TBC1D5: variants seen among roughly 807,000 people sequenced by gnomAD.
TBC1D5 encodes TBC1 domain family, member 5.
TBC1D5 carries 75 observed loss-of-function variants against 100.3 expected under a neutral mutation model. The ratio of observed to expected loss-of-function variants is 0.75; its 90% CI spans 0.62 to 0.91. The LOEUF (loss-of-function observed/expected upper bound fraction) is 0.91, where lower values mean the gene tolerates loss of function less well. Ranked by LOEUF, TBC1D5 falls within the 40% of genes least tolerant of loss-of-function variation. TBC1D5 has a pLI of 0.00. For synonymous variants in TBC1D5, 323 were observed against 325.6 expected (o/e 0.99, Z 0.09); for missense variants, 910 against 942.4 (o/e 0.97, Z 0.45).
At chr3:17,652,157 T>C (rs916679274) in intron 1 of TBC1D5, among the ~76,000 whole-genome samples, 1 of 152,102 alleles carries the variant, frequency 6.6e-6, no homozygotes, top group African/African-American at 2.4e-5. Context: ...TAAGGAAAAA[T>C]AAATTTAAGA....
intron 19 of TBC1D5, among the ~76,000 whole-genome samples, chr3:17,179,726 T>A (rs1266001261): frequency 6.6e-6 from 1 of 152,210 alleles, no homozygotes; most frequent in Non-Finnish European, 1.5e-5. Context: ...GCTACAGTAC[T>A]CTCAACAGAA....
chr3:17,396,905 G>A (rs549232069), intron 8 of TBC1D5, among the ~76,000 whole-genome samples: 1 of 152,122 alleles, frequency 6.6e-6, no homozygotes, highest in South Asian at 2.1e-4. Flanking sequence ...TAATATTTGT[G>A]CTGCTGGGGC....
chr3:17,170,265 G>T (rs2067040613), intron 19 of TBC1D5, among the ~76,000 whole-genome samples: 1 of 152,212 alleles, frequency 6.6e-6, no homozygotes, highest in African/African-American at 2.4e-5. Flanking sequence ...GTGGGCTCAG[G>T]TTTCCCAGCT....
chr3:17,488,826 G>T (rs138359267), intron 3 of TBC1D5, among the ~76,000 whole-genome samples: 1 of 151,822 alleles, frequency 6.6e-6, no homozygotes, highest in Non-Finnish European at 1.5e-5. Context: ...GTGAGTGGTG[G>T]GCGAGCATGC....
At chr3:17,181,075 G>C (rs942387605) in intron 19 of TBC1D5, among the ~76,000 whole-genome samples, 1 of 152,162 alleles carries the variant, frequency 6.6e-6, no homozygotes, top group Non-Finnish European at 1.5e-5. Context: ...TCAGTAGCCT[G>C]TACCCCAGTG....
At chr3:17,338,390 T>A (rs2088281243) in intron 13 of TBC1D5, 1 of 152,306 alleles carries the variant, frequency 6.6e-6, no homozygotes, top group Non-Finnish European at 1.5e-5. Context: ...AGAAGCTGTT[T>A]AACAACGGAC....
intron 1 of TBC1D5, among the ~76,000 whole-genome samples, chr3:17,708,804 A>C (rs995844684): frequency 1.1e-3 from 163 of 152,318 alleles, no homozygotes; most frequent in African/African-American, 3.4e-3. Context: ...ACCAGCATAT[A>C]ATACCTCTGG....
At chr3:17,623,106 C>A (rs957996114) in intron 2 of TBC1D5, among the ~76,000 whole-genome samples, 1 of 152,136 alleles carries the variant, frequency 6.6e-6, no homozygotes, top group African/African-American at 2.4e-5. Context: ...AATTAAAACA[C>A]ACATACACAC....
intron 2 of TBC1D5, among the ~76,000 whole-genome samples, chr3:17,532,520 T>C (rs2096240658): frequency 6.6e-6 from 1 of 152,152 alleles, no homozygotes; most frequent in Non-Finnish European, 1.5e-5. Flanking sequence ...CATGCTGCTA[T>C]AAAGACACAT....
At chr3:17,729,433 C>T (rs986077971) in intron 1 of TBC1D5, among the ~76,000 whole-genome samples, 5 of 151,860 alleles carry the variant, frequency 3.3e-5, no homozygotes, top group African/African-American at 9.7e-5. Context: ...CCAGGCCGGG[C>T]GAGGTGGCTC....
chr3:17,546,636 G>A (rs1463097328), intron 2 of TBC1D5, among the ~76,000 whole-genome samples: 2 of 151,716 alleles, frequency 1.3e-5, no homozygotes, highest in African/African-American at 4.8e-5. Flanking sequence ...GGGCATGGCG[G>A]CATGAACCTG....
chr3:17,200,929 T>C (rs1256756543), intron 18 of TBC1D5, among the ~76,000 whole-genome samples: 2 of 152,226 alleles, frequency 1.3e-5, no homozygotes, highest in African/African-American at 4.8e-5. Flanking sequence ...AACATGTGTA[T>C]TAAGAGGATT....
chr3:17,593,820 G>A (rs749447911), intron 2 of TBC1D5, among the ~76,000 whole-genome samples: 8 of 152,132 alleles, frequency 5.3e-5, no homozygotes, highest in Non-Finnish European at 1.0e-4. Context: ...CAATTACAAC[G>A]CCAACTAGGT....
At chr3:17,684,397 T>A (rs1462499889) in intron 1 of TBC1D5, among the ~76,000 whole-genome samples, 2 of 152,122 alleles carry the variant, frequency 1.3e-5, no homozygotes, top group African/African-American at 4.8e-5. Flanking sequence ...CCATTTTCAC[T>A]ATATTTCAGT....
chr3:17,396,370 C>T (rs1333197354), intron 8 of TBC1D5, among the ~76,000 whole-genome samples: 1 of 151,796 alleles, frequency 6.6e-6, no homozygotes, highest in Non-Finnish European at 1.5e-5. Flanking sequence ...GGCATTAACA[C>T]ACACCAAAAT....
chr3:17,432,977 A>G (rs373532056), intron 3 of TBC1D5, among the ~76,000 whole-genome samples: 6 of 152,354 alleles, frequency 3.9e-5, no homozygotes, highest in South Asian at 4.1e-4. Context: ...ATGAACACTG[A>G]ATCAAGAAAA....
intron 3 of TBC1D5, among the ~76,000 whole-genome samples, chr3:17,506,817 G>A (rs895103949): frequency 6.6e-6 from 1 of 150,466 alleles, no homozygotes. Flanking sequence ...ATAAAAATAC[G>A]TGCTTAAAAA....
intron 2 of TBC1D5, among the ~76,000 whole-genome samples, chr3:17,581,084 C>T (rs1282937439): frequency 6.6e-6 from 1 of 152,130 alleles, no homozygotes; most frequent in Non-Finnish European, 1.5e-5. Context: ...TTTCCCCATG[C>T]TGTTCTCGTG....
intron 2 of TBC1D5, among the ~76,000 whole-genome samples, chr3:17,533,501 A>C (rs1402612563): frequency 6.6e-6 from 1 of 152,154 alleles, no homozygotes; most frequent in Non-Finnish European, 1.5e-5. Flanking sequence ...ACTCAAACAA[A>C]CTGCTTTATG....
Sources: gnomAD v4.1 joint callset for allele counts (sites outside exome capture counted in the v4.1 genomes callset) on GRCh38, gnomAD v4.1.1 for gene constraint, MANE v1.5 for transcripts, NCBI Gene and HGNC (gene_info 2026-07-23, HGNC 2026-07-21) for gene names.